RUBCN: variants seen among roughly 807,000 people sequenced by gnomAD.
RUBCN encodes rubicon autophagy regulator.
In RUBCN, 74 loss-of-function variants were observed where a neutral mutation model predicts 113.2. The observed-to-expected ratio is 0.65, with a 90% CI of 0.54 to 0.79. The LOEUF (loss-of-function observed/expected upper bound fraction) is 0.79. Ranked by LOEUF, RUBCN falls within the 30% of genes least tolerant of loss-of-function variation. The probability of loss-of-function intolerance (pLI) is 0.00; values close to 1 mark genes in which losing one functional copy is unlikely to be tolerated. For missense variants in RUBCN, 1,109 were observed against 1,251.7 expected, an observed-to-expected ratio of 0.89 and a Z score of 1.72; for synonymous variants, 480 against 490.0, an observed-to-expected ratio of 0.98 and a Z score of 0.27.
At chr3:197,716,618 A>G (rs2108954833) in intron 2 of RUBCN, among the ~76,000 whole-genome samples, 2 of 152,336 alleles carry the variant, frequency 1.3e-5, no homozygotes, top group East Asian at 3.9e-4. Flanking sequence ...CAAGATGTCT[A>G]CATTCTAATT....
In RUBCN at chr3:197,683,304, T is replaced by C; in HGVS notation, c.1980+3A>G. ...TGGGTAGGAAGAAGAGCTAAGGACCTACCTTCTGAGGGGCATCATGCTCCG... is the reference window on the plus strand; with the variant it reads ...TGGGTAGGAAGAAGAGCTAAGGACCCACCTTCTGAGGGGCATCATGCTCCG... On this transcript the variant is annotated splice_donor_region_variant and intron_variant, in intron 13 of 19. Transcript: ENST00000296343. The surrounding 1 kb of genome is among the most constrained non-coding windows in gnomAD (Gnocchi z 4.6). 3 of 1,614,120 alleles carry C rather than the reference T, an allele frequency of 1.9e-6. No homozygotes were observed. The highest frequency in any genetic ancestry group is 2.5e-6 in the Non-Finnish European group (3 of 1,180,018).
At chr3:197,716,295 T>C (rs1725507829) in intron 2 of RUBCN, among the ~76,000 whole-genome samples, 1 of 152,188 alleles carries the variant, frequency 6.6e-6, no homozygotes, top group African/African-American at 2.4e-5. Flanking sequence ...GCCCGGCTAA[T>C]TTTTGTAATT....
At chr3:197,729,145 C>CAAAA (rs572262416) in intron 1 of RUBCN, among the ~76,000 whole-genome samples, 12 of 75,426 alleles carry the variant, frequency 1.6e-4, no homozygotes, top group Admixed American at 7.5e-4. Context: ...GACTCCGTCT[C>CAAAA]AAAAAAAAAA....
At chr3:197,731,374 A>G (rs1486117633) in intron 1 of RUBCN, among the ~76,000 whole-genome samples, 3 of 152,150 alleles carry the variant, frequency 2.0e-5, no homozygotes, top group Non-Finnish European at 4.4e-5. Context: ...AACAAAATGA[A>G]AAGTCTCCCA....
chr3:197,745,026 C>T (rs1007313890), intron 1 of RUBCN, among the ~76,000 whole-genome samples: 3 of 152,040 alleles, frequency 2.0e-5, no homozygotes, highest in Admixed American at 6.6e-5. Flanking sequence ...TGGCTTCACA[C>T]CTGTAATCCC....
intron 5 of RUBCN, among the ~76,000 whole-genome samples, chr3:197,702,931 TC>T (rs1256024543): frequency 6.6e-6 from 1 of 152,062 alleles, no homozygotes. Flanking sequence ...TTCAAAACCA[TC>T]CCTCTTTTCC....
chr3:197,718,006 T>C lies in RUBCN; in HGVS notation c.190A>G (p.Ile64Val). The C allele has an allele frequency of 6.2e-7, 1 of 1,614,132 alleles. No individual in the cohort carries two copies. Among genetic ancestry groups the C allele is most frequent in the Non-Finnish European group, 8.5e-7 (1 of 1,180,038 alleles). ...TCACGGATAAGCCCGTGATAGAGGA[T>C]GCTCTGCATGTCCCTGCAAAGCCGC... ...LERLCRDMQS[I>V]LYHGLIRDQA... The change falls in exon 2 of 20, where the codon ATC (isoleucine) becomes GTC (valine). Residue 64 changes from isoleucine to valine, a missense_variant. Physicochemically the swap from Ile to Val is conservative, Grantham distance 29. Transcript: ENST00000296343.
At chr3:197,691,555 G>A (rs1722424095) in intron 11 of RUBCN, among the ~76,000 whole-genome samples, 1 of 152,096 alleles carries the variant, frequency 6.6e-6, no homozygotes, top group Middle Eastern at 3.2e-3. Context: ...CCCGGCCTAA[G>A]GTCTTTTCCT....
At chr3:197,698,829 CAA>C (rs113975138) in intron 7 of RUBCN, among the ~76,000 whole-genome samples, 6 of 31,088 alleles carry the variant, frequency 1.9e-4, no homozygotes, top group Admixed American at 3.5e-4. Context: ...CCTGTCTCTA[CAA>C]AAAAAAAAAA....
At chr3:197,711,465 T>A (rs1235889211) in intron 2 of RUBCN, among the ~76,000 whole-genome samples, 1 of 152,208 alleles carries the variant, frequency 6.6e-6, no homozygotes, top group Admixed American at 6.5e-5. Flanking sequence ...GTTACTACAG[T>A]ATGCTATTAT....
chr3:197,722,521 CTG>C (rs1001747512), intron 1 of RUBCN, among the ~76,000 whole-genome samples: 2 of 151,772 alleles, frequency 1.3e-5, no homozygotes, highest in African/African-American at 4.8e-5. Context: ...GAGTTTTCGA[CTG>C]TTACTGTATC....
rs1272009669 is a variant in RUBCN, at chr3:197,700,966, A to G, written c.908T>C (p.Ile303Thr). Residue 303 changes from isoleucine (I) to threonine (T), a missense_variant, in exon 7 of 20, where the codon ATA becomes ACA. Ile to Thr is a moderately conservative substitution (Grantham distance 89, BLOSUM62 -1). This residue lies in a region of RUBCN where 736 missense variants were observed against 779.6 expected (regional missense o/e 0.94). Transcript: ENST00000296343. ...EMSSSTLTSP[I>T]EASWVSSQND... ...CTGGCTGCTGACCCAGGATGCCTCT[A>G]TGGGGCTGGTCAGAGTACTGGAGCT... The G allele has an allele frequency of 6.2e-7, 1 of 1,614,124 alleles. No individual in the cohort carries two copies. The highest frequency in any genetic ancestry group is 2.2e-5 in the East Asian group (1 of 44,882).
At chr3:197,697,197 G>C in intron 7 of RUBCN, 148 bp from the exon 8 acceptor site, 1 of 670,510 alleles carries the variant, frequency 1.5e-6, no homozygotes, top group Non-Finnish European at 2.8e-6. Context: ...AACAGCCCAA[G>C]GGTACAGAAA....
At chr3:197,696,709 C>T (rs1723043788) in intron 8 of RUBCN, among the ~76,000 whole-genome samples, 2 of 152,142 alleles carry the variant, frequency 1.3e-5, no homozygotes, top group Admixed American at 1.3e-4. Flanking sequence ...GACCAGCCGA[C>T]GTACCCGGTG....
intron 2 of RUBCN, among the ~76,000 whole-genome samples, chr3:197,709,647 T>C (rs1051003072): frequency 6.6e-6 from 1 of 152,096 alleles, no homozygotes; most frequent in Non-Finnish European, 1.5e-5. Flanking sequence ...CCCAAAGTGC[T>C]GGGATTACAG....
intron 2 of RUBCN, among the ~76,000 whole-genome samples, chr3:197,710,595 T>C (rs1039878536): frequency 6.6e-5 from 9 of 136,490 alleles, no homozygotes; most frequent in African/African-American, 2.5e-4. Flanking sequence ...TGAAACTCCA[T>C]CTCAAAAAAA....
At position 197,714,084 on chromosome 3, in the gene RUBCN, A is replaced by G. The variant is rs919352418; in HGVS notation, c.219+3893T>C. ...GAGCGAGACTCTGTATCAAAAAAAA[A>G]AGAGAATACAAAGACAAAAGAGTTA... On this transcript the variant is annotated intron_variant, in intron 2 of 19. Transcript: ENST00000296343. 1.2e-4 allele frequency among the ~76,000 whole-genome samples: 19 copies of G among 152,156 alleles called. 1 individual carries two copies.
rs1294309148 is a variant in RUBCN, at chr3:197,701,832, C to T, written c.603G>A (p.Val201=). ...FARKHESPLL[V]TKSQSLTALP... is the part of the protein sequence containing the mutation. ...GGGCTGTCAGGCTCTGGCTCTTTGT[C>T]ACCAGGAGCGGGCTCTCGTGCTTTC... The change falls in exon 6 of 20, where the codon GTG becomes GTA. Residue 201 remains valine (V), a synonymous_variant. Coordinates refer to ENST00000296343, the MANE Select transcript of RUBCN (RefSeq NM_014687.4). The T allele has an allele frequency of 6.2e-7, 1 of 1,614,026 alleles. No individual in the cohort carries two copies. The highest frequency in any genetic ancestry group is 8.5e-7 in the Non-Finnish European group (1 of 1,180,044).
At chr3:197,718,287 A>T (rs183262078) in intron 1 of RUBCN, among the ~76,000 whole-genome samples, 157 bp from the exon 2 acceptor site, 6 of 152,324 alleles carry the variant, frequency 3.9e-5, no homozygotes, top group Admixed American at 3.9e-4. Context: ...ACTCTGAGAG[A>T]ATTAAAGTTG....
Sources: gnomAD v4.1 joint callset for allele counts (sites outside exome capture counted in the v4.1 genomes callset) on GRCh38, gnomAD v4.1.1 for gene constraint, gnomAD v4.1.1 regional missense constraint, Gnocchi (gnomAD v3.1) non-coding constraint, MANE v1.5 for transcripts, NCBI Gene and HGNC (gene_info 2026-07-23, HGNC 2026-07-21) for gene names.